Variants in LCT observed in about 807,000 individuals in gnomAD.
LCT encodes the protein lactase/phlorizin hydrolase.
In LCT, 90 loss-of-function variants were observed where a neutral mutation model predicts 173.0. The ratio of observed to expected loss-of-function variants is 0.52; its 90% CI spans 0.44 to 0.62. The LOEUF (loss-of-function observed/expected upper bound fraction) is 0.62. Ranked by LOEUF, LCT falls within the 20% of genes least tolerant of loss-of-function variation. LCT has a pLI of 0.00. For synonymous variants in LCT, 853 were observed against 957.6 expected (o/e 0.89, Z 2.02); for missense variants, 1,864 against 2,431.4 (o/e 0.77, Z 4.91).
At chr2:135,810,305 T>C in intron 7 of LCT, 1 of 251,690 alleles carries the variant, frequency 4.0e-6, no homozygotes, top group Admixed American at 4.8e-5. Context: ...TAAAATAGTT[T>C]TTATTGAAAA....
In LCT at chr2:135,794,532, C is replaced by T. The variant is rs1174539544; in HGVS notation, c.5111+109G>A. On this transcript the variant is annotated intron_variant, in intron 14 of 16. Transcript: ENST00000264162. Reference sequence around the variant, plus strand: ...AGCATCTTGCAAACCCCGGCACATTCGGCGTTGGAGGCCCTGTTTTGAGGC... The same window carrying T: ...AGCATCTTGCAAACCCCGGCACATTTGGCGTTGGAGGCCCTGTTTTGAGGC... 10 of 1,166,920 alleles carry T rather than the reference C, an allele frequency of 8.6e-6. No homozygotes were observed. The East Asian group carries it at 1.4e-4, about 16-fold the overall frequency. 72.3% of individuals were successfully genotyped at this position (1,166,920 alleles called of 1,614,324 possible). A position where few individuals can be genotyped will look rare whatever the true frequency, so the allele number is the denominator to read the frequency against.
intron 6 of LCT, among the ~76,000 whole-genome samples, chr2:135,815,164 T>G (rs1164409629): frequency 6.6e-6 from 1 of 152,160 alleles, no homozygotes; most frequent in East Asian, 1.9e-4. Flanking sequence ...GAAATAAATA[T>G]CTGTTGTTTA....
Position 135,788,312 on chromosome 2 carries a change from G to A in LCT, c.*12C>T, listed in dbSNP as rs1353374711. 6.3e-7 allele frequency: 1 copy of A among 1,591,594 alleles called. No individual in the cohort carries two copies. The highest frequency in any genetic ancestry group is 1.1e-5 in the South Asian group (1 of 90,638). ...ACTAGGCCTGCTTCATAGAACTTGA[G>A]GTGGTAACTCATCAGAATGAAGACA... On this transcript the variant is annotated 3_prime_UTR_variant, in exon 17 of 17. Coordinates refer to ENST00000264162, the MANE Select transcript of LCT (RefSeq NM_002299.4).
intron 16 of LCT, among the ~76,000 whole-genome samples, chr2:135,789,326 G>T (rs971841076): frequency 3.9e-5 from 6 of 152,354 alleles, no homozygotes; most frequent in Non-Finnish European, 8.8e-5. Flanking sequence ...GCTGGAAGAA[G>T]AGTCTAGACC....
intron 8 of LCT, among the ~76,000 whole-genome samples, chr2:135,807,656 C>A (rs1022856008): frequency 6.6e-6 from 1 of 152,084 alleles, no homozygotes; most frequent in Admixed American, 6.6e-5. Flanking sequence ...AGATCTTCAG[C>A]CCACTTAGGA....
rs373548266 is a variant in LCT at position 135,824,724 on chromosome 2, C to A, written c.805-721G>T. 5.9e-5 allele frequency among the ~76,000 whole-genome samples: 9 copies of A among 152,090 alleles called. No individual in the cohort carries two copies. In the East Asian group the frequency reaches 9.7e-4, roughly 16 times the overall value. On this transcript the variant is annotated intron_variant, in intron 3 of 16. Coordinates refer to ENST00000264162, the MANE Select transcript of LCT (RefSeq NM_002299.4). ...AAAACAAAAAGTTACAGCAGCCCAG[C>A]GGGTGTGGTGGCTCACGCCTATAAT... is the stretch of plus-strand genomic sequence containing the variant.
chr2:135,825,677 G>C (rs1185766173), intron 3 of LCT, among the ~76,000 whole-genome samples: 5 of 152,290 alleles, frequency 3.3e-5, no homozygotes, highest in African/African-American at 1.2e-4. Context: ...GCTTGAGGCT[G>C]TTCTCAGGCC....
intron 12 of LCT, among the ~76,000 whole-genome samples, chr2:135,799,396 C>T (rs1328925790): frequency 1.3e-5 from 2 of 151,958 alleles, no homozygotes; most frequent in Non-Finnish European, 1.5e-5. Context: ...GTGCCGTGAA[C>T]GAGGATCATT....
intron 8 of LCT, 52 bp from the exon 9 acceptor site, chr2:135,807,448 C>G: frequency 6.3e-7 from 1 of 1,579,392 alleles, no homozygotes; most frequent in Non-Finnish European, 8.7e-7. Flanking sequence ...GGAGTCAGGA[C>G]CTCCATGCAC....
Position 135,790,567 on chromosome 2 carries a change from G to A in LCT, c.5335+91C>T, listed in dbSNP as rs563321154. ...GAAGGCTTATCGTTCTCTTCTTACT[G>A]TGGCCCAAGGACGCTGTATCACACT... On this transcript the variant is annotated intron_variant, in intron 15 of 16. Coordinates refer to ENST00000264162, the MANE Select transcript of LCT (RefSeq NM_002299.4). The surrounding 1 kb of genome is among the most constrained non-coding windows in gnomAD (Gnocchi z 4.1). The A allele has an allele frequency of 1.7e-5, 14 of 823,090 alleles. No individual in the cohort carries two copies. In the East Asian group the frequency reaches 3.5e-4, roughly 21 times the overall value. The allele number at this position is 823,090 out of a possible 1,614,324, so 51.0% of individuals were successfully genotyped here. A position where few individuals can be genotyped will look rare whatever the true frequency, so the allele number is the denominator to read the frequency against.
rs2077649702 is a variant in LCT, at chr2:135,804,122, T to C, written c.4471A>G (p.Ile1491Val). The change falls in exon 11 of 17, where the codon ATT becomes GTT. Residue 1491 changes from isoleucine (I) to valine (V), a missense_variant. Physicochemically the swap from Ile to Val is conservative, Grantham distance 29 (BLOSUM62 3). Transcript: ENST00000264162. ...GTCTGTGGTAGGTCCCAGTGGTAAA[T>C]GGTCACCTGGGAAGAAGCCAGATCA... Reference protein sequence around the residue: ...LAASIQPQVTIYHWDLPQTLQ... With the variant: ...LAASIQPQVTVYHWDLPQTLQ... 6.2e-7 allele frequency: 1 copy of C among 1,613,558 alleles called. No homozygotes were observed. The highest frequency in any genetic ancestry group is 8.5e-7 in the Non-Finnish European group (1 of 1,179,910).
rs1357580160 is a variant in LCT at position 135,836,798 on chromosome 2, C to T, written c.372G>A (p.Arg124=). 3 of 1,614,196 alleles carry T rather than the reference C, an allele frequency of 1.9e-6. No individual in the cohort carries two copies. The highest frequency in any genetic ancestry group is 2.2e-5 in the South Asian group (2 of 91,082). The change falls in exon 1 of 17, where the codon CGG becomes CGA. Residue 124 remains arginine (R), a synonymous_variant. Coordinates refer to ENST00000264162, the MANE Select transcript of LCT (RefSeq NM_002299.4). ...RRLLKALKTA[R]LQPMVILHHQ... is the part of the protein sequence containing the mutation. ...GGTGCAGGATGACCATGGGCTGAAG[C>T]CGTGCAGTCTTGAGGGCCTTGAGGA...
chr2:135,837,055 A>G lies in LCT; in HGVS notation c.115T>C (p.Leu39=). ...ISTAGPLTND[L]LHNLSGLLGD... The stretch of plus-strand genomic sequence containing the variant: ...AGGAGACCACTCAGGTTGTGCAGCA[A>G]GTCATTGGTTAGAGGACCAGCGGTG... The change falls in exon 1 of 17, where the codon TTG becomes CTG. Residue 39 remains leucine (L), a synonymous_variant. Coordinates refer to ENST00000264162, the MANE Select transcript of LCT (RefSeq NM_002299.4). 1.2e-6 allele frequency: 2 copies of G among 1,614,146 alleles called. No homozygotes were observed. The highest frequency in any genetic ancestry group is 2.2e-5 in the South Asian group (2 of 91,074).
At position 135,826,351 on chromosome 2, in the gene LCT, G is replaced by T. The variant is rs909130581; in HGVS notation, c.805-2348C>A. On this transcript the variant is annotated intron_variant, in intron 3 of 16. Transcript: ENST00000264162. ...GGTGGTGGATCACTTGAGGCCAGGA[G>T]TTCGAGACCAGCCTAGCCAACATGG... Among the ~76,000 whole-genome samples the T allele has an allele frequency of 4.8e-5, 7 of 147,348 alleles. No individual in the cohort carries two copies. The Middle Eastern group carries it at 0.011, about 224-fold the overall frequency.
At chr2:135,829,460 C>A in intron 3 of LCT, 133 bp downstream of exon 3, 1 of 758,050 alleles carries the variant, frequency 1.3e-6, no homozygotes, top group African/African-American at 1.7e-5. Flanking sequence ...GGAAATCTCC[C>A]CAGACACAAC....
At chr2:135,788,675 A>G (rs1397691803) in intron 16 of LCT, 131 bp from the exon 17 acceptor site, 12 of 718,348 alleles carry the variant, frequency 1.7e-5, no homozygotes, top group Non-Finnish European at 2.8e-5. Context: ...AGGTGGAGGT[A>G]CCCATCCCCT....
At chr2:135,826,063 G>A (rs1038882473) in intron 3 of LCT, among the ~76,000 whole-genome samples, 1 of 152,234 alleles carries the variant, frequency 6.6e-6, no homozygotes, top group African/African-American at 2.4e-5. Flanking sequence ...CAGCTCAGGG[G>A]TTGTCAGCTG....
At chr2:135,794,797 G>A in intron 13 of LCT, 22 bp from the exon 14 acceptor site, 1 of 1,613,992 alleles carries the variant, frequency 6.2e-7, no homozygotes, top group Non-Finnish European at 8.5e-7. Context: ...AAGCCATTGA[G>A]GGCAGGGCTT....
intron 3 of LCT, among the ~76,000 whole-genome samples, chr2:135,826,265 A>G (rs1192831472): frequency 1.3e-5 from 2 of 152,126 alleles, no homozygotes; most frequent in African/African-American, 4.8e-5. Flanking sequence ...TGTCTTGAAA[A>G]TGTGGTAGCC....
Sources: gnomAD v4.1 joint callset for allele counts (sites outside exome capture counted in the v4.1 genomes callset) on GRCh38, gnomAD v4.1.1 for gene constraint, Gnocchi (gnomAD v3.1) non-coding constraint, MANE v1.5 for transcripts, NCBI Gene and HGNC (gene_info 2026-07-23, HGNC 2026-07-21) for gene names.